AFG2A: variants seen among roughly 807,000 people sequenced by gnomAD.
The protein encoded by AFG2A is ATPase family gene 2 protein homolog A.
chr4:123,178,269 C>A, the AFG2A span, among the ~76,000 whole-genome samples: 2 of 152,188 alleles, frequency 1.3e-5, no homozygotes, highest in Non-Finnish European at 2.9e-5. Context: ...TCCTTCTCTG[C>A]CATCTTTCCA....
chr4:123,313,889 T>C, the AFG2A span: 1 of 1,567,700 alleles, frequency 6.4e-7, no homozygotes, highest in Non-Finnish European at 8.6e-7. Flanking sequence ...AAATTTCAGA[T>C]TGTAGCTGTC....
chr4:123,219,521 A>G, the AFG2A span, among the ~76,000 whole-genome samples: 2 of 152,212 alleles, frequency 1.3e-5, no homozygotes, highest in African/African-American at 2.4e-5. Context: ...GCCATTCCCC[A>G]TATTAGTACT....
the AFG2A span, among the ~76,000 whole-genome samples, chr4:122,927,265 G>A: frequency 6.6e-6 from 1 of 152,170 alleles, no homozygotes; most frequent in Non-Finnish European, 1.5e-5. Context: ...AGATAGATGT[G>A]CCAGTTCCCA....
chr4:123,250,656 G>C, the AFG2A span, among the ~76,000 whole-genome samples: 27 of 152,290 alleles, frequency 1.8e-4, no homozygotes, highest in Non-Finnish European at 8.8e-5. Context: ...CAGATGTAGA[G>C]ACTTGCCCAA....
chr4:122,951,226 TG>T, the AFG2A span, among the ~76,000 whole-genome samples: 2 of 152,182 alleles, frequency 1.3e-5, no homozygotes, highest in African/African-American at 2.4e-5. Flanking sequence ...AGTAGCCACA[TG>T]GTGAGTCCCT....
chr4:123,255,980 G>A, the AFG2A span: 8 of 1,611,584 alleles, frequency 5.0e-6, no homozygotes, highest in Admixed American at 3.3e-5. Context: ...TCAGTTCTGA[G>A]CCCAGTTAAT....
chr4:122,944,667 T>G, the AFG2A span, among the ~76,000 whole-genome samples: 1 of 151,914 alleles, frequency 6.6e-6, no homozygotes, highest in Non-Finnish European at 1.5e-5. Flanking sequence ...AGCTTTGTTC[T>G]GTTGCTGGTG....
At chr4:122,979,899 A>G in the AFG2A span, among the ~76,000 whole-genome samples, 1 of 152,224 alleles carries the variant, frequency 6.6e-6, no homozygotes, top group African/African-American at 2.4e-5. Context: ...CCCTGTCTCA[A>G]AAACAAAAAA....
At chr4:123,282,295 A>C in the AFG2A span, among the ~76,000 whole-genome samples, 1 of 152,206 alleles carries the variant, frequency 6.6e-6, no homozygotes, top group East Asian at 1.9e-4. Flanking sequence ...TGTTTCACAC[A>C]CTTGGCCTTT....
At chr4:123,015,762 C>A in the AFG2A span, among the ~76,000 whole-genome samples, 1 of 143,634 alleles carries the variant, frequency 7.0e-6, no homozygotes, top group Non-Finnish European at 1.5e-5. Context: ...TAGGGGCGGC[C>A]GGGCAGAGGT....
chr4:122,996,387 T>C, the AFG2A span, among the ~76,000 whole-genome samples: 2 of 152,192 alleles, frequency 1.3e-5, no homozygotes, highest in Admixed American at 6.5e-5. Context: ...GCTGAGTGGA[T>C]ATTTTGTGAA....
At chr4:122,923,133 C>A in the AFG2A span, 2 of 1,613,954 alleles carry the variant, frequency 1.2e-6, no homozygotes, top group African/African-American at 2.7e-5. Flanking sequence ...GGCTAGGGTA[C>A]CTTGTGACCA....
At chr4:123,154,587 A>T in the AFG2A span, among the ~76,000 whole-genome samples, 1 of 152,216 alleles carries the variant, frequency 6.6e-6, no homozygotes, top group African/African-American at 2.4e-5. Context: ...AAATAGAAAC[A>T]GTTGAATTTT....
the AFG2A span, among the ~76,000 whole-genome samples, chr4:122,954,930 C>T: frequency 2.0e-5 from 3 of 152,276 alleles, no homozygotes; most frequent in Middle Eastern, 3.4e-3. Context: ...TTGGGCACCA[C>T]ATAAATGTGA....
At chr4:122,935,344 C>G in the AFG2A span, among the ~76,000 whole-genome samples, 20 of 152,036 alleles carry the variant, frequency 1.3e-4, no homozygotes, top group Non-Finnish European at 2.8e-4. Context: ...AACGTATGTA[C>G]TCTTCAAGAT....
chr4:123,184,878 C>T, the AFG2A span, among the ~76,000 whole-genome samples: 15,874 of 152,198 alleles, frequency 0.1, 916 homozygotes, highest in Middle Eastern at 0.2. Context: ...AGTGAAAAGC[C>T]ATTAGTAAGT....
the AFG2A span, among the ~76,000 whole-genome samples, chr4:123,008,600 C>G: frequency 1.3e-5 from 2 of 152,140 alleles, no homozygotes; most frequent in Non-Finnish European, 2.9e-5. Flanking sequence ...AAATTGCTGT[C>G]TGAATTTCAT....
chr4:122,928,301 TC>T, the AFG2A span, among the ~76,000 whole-genome samples: 1 of 152,218 alleles, frequency 6.6e-6, no homozygotes, highest in Admixed American at 6.5e-5. Flanking sequence ...CTGTCATTTT[TC>T]ATACCTGAGA....
At chr4:123,274,283 C>T in the AFG2A span, among the ~76,000 whole-genome samples, 1 of 152,044 alleles carries the variant, frequency 6.6e-6, no homozygotes, top group Admixed American at 6.5e-5. Context: ...TGCCTGGCCC[C>T]CAGTTTGCAC....
Sources: gnomAD v4.1 joint callset for allele counts (sites outside exome capture counted in the v4.1 genomes callset) on GRCh38, gnomAD v4.1.1 for gene constraint, MANE v1.5 for transcripts, NCBI Gene and HGNC (gene_info 2026-07-23, HGNC 2026-07-21) for gene names.